RNF150: variants seen among roughly 807,000 people sequenced by gnomAD.
The protein encoded by RNF150 is ring finger protein 150.
In RNF150, 24 loss-of-function variants were observed where a neutral mutation model predicts 39.3. The observed-to-expected ratio is 0.61, with a 90% CI of 0.44 to 0.86. The LOEUF (loss-of-function observed/expected upper bound fraction) is 0.86. Ranked by LOEUF, RNF150 falls within the 40% of genes least tolerant of loss-of-function variation. The pLI, the probability that RNF150 is intolerant of heterozygous loss-of-function variation, is 0.00. For synonymous variants in RNF150, 255 were observed against 227.3 expected, an observed-to-expected ratio of 1.12 and a Z score of -1.10; for missense variants, 502 against 587.8, an observed-to-expected ratio of 0.85 and a Z score of 1.51.
intron 1 of RNF150, among the ~76,000 whole-genome samples, chr4:141,066,743 C>A (rs529683715): frequency 6.6e-6 from 1 of 152,110 alleles, no homozygotes; most frequent in Non-Finnish European, 1.5e-5. Context: ...AATATAAAGT[C>A]TGAATTATTA....
intron 1 of RNF150, among the ~76,000 whole-genome samples, chr4:141,148,787 G>C (rs1727245744): frequency 6.6e-6 from 1 of 151,968 alleles, no homozygotes; most frequent in South Asian, 2.1e-4. Context: ...TTTTTTTCCA[G>C]GTATTAAAAC....
Position 140,999,967 on chromosome 4 carries a change from AAG to A in RNF150, c.485-32096_485-32095del, listed in dbSNP as rs765949397. ...AAAGAAGAAGAAGAAGAAGAAGAAG[AAG>A]AAGAAGAAAAGAAGAAAAGAAGAAA... On this transcript the variant is annotated intron_variant, in intron 1 of 6. Coordinates refer to ENST00000515673, the MANE Select transcript of RNF150 (RefSeq NM_020724.2). Among the ~76,000 whole-genome samples, 35 of 34,534 alleles carry A rather than the reference AAG, an allele frequency of 1.0e-3. 5 individuals are homozygous for A. Among genetic ancestry groups the A allele is most frequent in the South Asian group, 6.0e-3 (2 of 336 alleles). 22.7% of individuals were successfully genotyped at this position (34,534 alleles called of 152,430 possible).
At chr4:141,191,245 G>A (rs952949732) in intron 1 of RNF150, among the ~76,000 whole-genome samples, 5 of 151,756 alleles carry the variant, frequency 3.3e-5, no homozygotes, top group African/African-American at 1.2e-4. Flanking sequence ...CCTGGTGTAG[G>A]TCATGGTCCT....
chr4:140,925,766 T>C (rs775245469), intron 5 of RNF150, among the ~76,000 whole-genome samples: 62 of 152,052 alleles, frequency 4.1e-4, no homozygotes, highest in Non-Finnish European at 8.4e-4. Flanking sequence ...ACAAATATAA[T>C]GGACATGGTG....
intron 1 of RNF150, among the ~76,000 whole-genome samples, chr4:141,197,744 G>A (rs1389595883): frequency 6.6e-6 from 1 of 151,820 alleles, no homozygotes; most frequent in Non-Finnish European, 1.5e-5. Flanking sequence ...CATGTATGGT[G>A]GTGGGTACCT....
intron 1 of RNF150, among the ~76,000 whole-genome samples, chr4:141,158,074 C>T (rs187868366): frequency 1.3e-5 from 2 of 152,138 alleles, no homozygotes; most frequent in Non-Finnish European, 2.9e-5. Flanking sequence ...AGGCGGATCA[C>T]GAGGTCAGGA....
At chr4:141,175,229 T>C (rs1015267962) in intron 1 of RNF150, among the ~76,000 whole-genome samples, 4 of 152,166 alleles carry the variant, frequency 2.6e-5, no homozygotes, top group African/African-American at 9.7e-5. Flanking sequence ...CCTTGGGAAA[T>C]TGCTTAATCT....
chr4:140,942,528 A>G (rs981593994), intron 4 of RNF150, among the ~76,000 whole-genome samples: 1 of 152,246 alleles, frequency 6.6e-6, no homozygotes, highest in Non-Finnish European at 1.5e-5. Context: ...GGCACTGACA[A>G]CACTGCTCCT....
chr4:140,866,448 G>A lies in RNF150; in HGVS notation c.*1813C>T, dbSNP rs957269244. The A allele has an allele frequency of 6.6e-6, 1 of 152,162 alleles. No individual in the cohort carries two copies. Among genetic ancestry groups the A allele is most frequent in the African/African-American group, 2.4e-5 (1 of 41,420 alleles). The allele number at this position is 152,162 out of a possible 1,614,324, so 9.4% of individuals were successfully genotyped here. A position where few individuals can be genotyped will look rare whatever the true frequency, so the allele number is the denominator to read the frequency against. ...CTCCCTGCCTCTTTTCCCACACATA[G>A]AGAGTGGATTTCATTACAGGAAGCA... On this transcript the variant is annotated 3_prime_UTR_variant, in exon 7 of 7. Coordinates refer to ENST00000515673, the MANE Select transcript of RNF150 (RefSeq NM_020724.2).
chr4:141,061,797 T>C (rs959915518), intron 1 of RNF150, among the ~76,000 whole-genome samples: 2 of 152,306 alleles, frequency 1.3e-5, no homozygotes, highest in South Asian at 4.1e-4. Flanking sequence ...TCTCTGACTT[T>C]GAGTCATTGA....
At chr4:141,150,399 A>G (rs1727277024) in intron 1 of RNF150, among the ~76,000 whole-genome samples, 1 of 152,188 alleles carries the variant, frequency 6.6e-6, no homozygotes, top group Non-Finnish European at 1.5e-5. Context: ...GTCACCATCT[A>G]CATTGCTTCC....
intron 1 of RNF150, among the ~76,000 whole-genome samples, chr4:141,192,744 G>A (rs1183989881): frequency 3.9e-5 from 6 of 152,158 alleles, no homozygotes; most frequent in Admixed American, 3.3e-4. Flanking sequence ...ATCCCTCATT[G>A]GCTTGCCAAC....
At chr4:141,065,616 A>C (rs1022087443) in intron 1 of RNF150, among the ~76,000 whole-genome samples, 1 of 152,042 alleles carries the variant, frequency 6.6e-6, no homozygotes, top group African/African-American at 2.4e-5. Context: ...AGAAGGTAGT[A>C]AGATGAGCTG....
chr4:140,911,050 A>G, intron 6 of RNF150, 94 bp downstream of exon 6: 2 of 957,590 alleles, frequency 2.1e-6, no homozygotes, highest in Non-Finnish European at 3.3e-6. Flanking sequence ...TACTCATTCA[A>G]TATTTTTTTC....
At chr4:140,905,838 G>A (rs749982004) in intron 6 of RNF150, among the ~76,000 whole-genome samples, 4 of 152,168 alleles carry the variant, frequency 2.6e-5, no homozygotes, top group African/African-American at 4.8e-5. Context: ...CTACTGTCCT[G>A]GAAGAGGACT....
intron 1 of RNF150, among the ~76,000 whole-genome samples, chr4:141,178,335 T>C (rs1466542892): frequency 6.6e-6 from 1 of 152,092 alleles, no homozygotes; most frequent in Non-Finnish European, 1.5e-5. Flanking sequence ...GAATTAACAA[T>C]GCTGGCATAA....
intron 1 of RNF150, among the ~76,000 whole-genome samples, chr4:141,205,001 C>A (rs1460643744): frequency 1.3e-5 from 2 of 152,010 alleles, no homozygotes; most frequent in African/African-American, 4.8e-5. Context: ...CATAGTTAAC[C>A]CATTTGGGAT....
At chr4:141,003,282 G>A (rs1407468927) in intron 1 of RNF150, among the ~76,000 whole-genome samples, 5 of 152,052 alleles carry the variant, frequency 3.3e-5, no homozygotes, top group African/African-American at 1.2e-4. Context: ...AATTTACATT[G>A]TGGAAAAGTA....
At chr4:141,118,232 C>G (rs1462089575) in intron 1 of RNF150, among the ~76,000 whole-genome samples, 1 of 152,148 alleles carries the variant, frequency 6.6e-6, no homozygotes, top group Admixed American at 6.5e-5. Context: ...AGACAACAGT[C>G]ACTGGCAGTT....
Sources: allele counts gnomAD v4.1 joint callset (sites outside exome capture counted in the v4.1 genomes callset), GRCh38; gene constraint gnomAD v4.1.1; transcripts MANE v1.5; gene names NCBI Gene and HGNC (gene_info 2026-07-23, HGNC 2026-07-21).